DMD: variants seen among roughly 807,000 people sequenced by gnomAD.
The protein encoded by DMD is mutant dystrophin.
In DMD, 63 loss-of-function variants were observed where a neutral mutation model predicts 330.1. That is an observed-to-expected ratio of 0.19 (90% confidence interval 0.16 to 0.24). The LOEUF is 0.24. DMD is among the 10% of genes least tolerant of loss of function. DMD has a pLI of 1.00. For synonymous variants in DMD, 1,223 were observed against 959.8 expected (o/e 1.27, Z -5.07); for missense variants, 3,344 against 2,684.1 (o/e 1.25, Z -5.43).
intron 30 of DMD, among the ~76,000 whole-genome samples, chrX:32,395,597 AC>A (rs200075231): frequency 0.026 from 2,941 of 111,247 alleles, 96 homozygotes; most frequent in African/African-American, 0.088. Context: ...AAACAGAAAA[AC>A]CCATGCTCTG....
intron 51 of DMD, among the ~76,000 whole-genome samples, chrX:31,771,020 GT>G (rs2090309011): frequency 1.8e-5 from 2 of 111,600 alleles, no homozygotes; most frequent in Admixed American, 1.9e-4. Context: ...TGTTAGTAAA[GT>G]TTTTTTCAGT....
chrX:32,456,720 C>T (rs2098360886), intron 25 of DMD, among the ~76,000 whole-genome samples: 1 of 107,023 alleles, frequency 9.3e-6, no homozygotes, highest in Non-Finnish European at 1.9e-5. Flanking sequence ...ATTTGATGTT[C>T]GGCTGTAAGA....
intron 15 of DMD, among the ~76,000 whole-genome samples, chrX:32,566,414 G>A (rs1390172138): frequency 8.9e-6 from 1 of 111,859 alleles, no homozygotes; most frequent in African/African-American, 3.2e-5. Context: ...TTTAACATTC[G>A]GTTCATTATT....
chrX:32,544,749 T>C (rs763928693), intron 17 of DMD, among the ~76,000 whole-genome samples: 12 of 109,324 alleles, frequency 1.1e-4, no homozygotes, highest in African/African-American at 3.7e-4. Context: ...CCATCTATTA[T>C]AGGTGTACTT....
intron 41 of DMD, among the ~76,000 whole-genome samples, chrX:32,335,513 ATGTG>A (rs60901830): frequency 0.52 from 51,458 of 99,684 alleles, 11,026 homozygotes; most frequent in South Asian, 0.77. Flanking sequence ...TATATATAAC[ATGTG>A]TATGTTATAT....
intron 44 of DMD, among the ~76,000 whole-genome samples, chrX:31,970,162 T>C (rs1169779306): frequency 9.0e-6 from 1 of 111,507 alleles, no homozygotes; most frequent in Non-Finnish European, 1.9e-5. Context: ...CATGGAAGGT[T>C]TCAGTAAGCA....
intron 74 of DMD, among the ~76,000 whole-genome samples, chrX:31,160,093 A>G (rs1015623664): frequency 9.8e-5 from 11 of 111,772 alleles, no homozygotes; most frequent in African/African-American, 2.9e-4. Flanking sequence ...TGATGAAGCT[A>G]AAGGTGCTGT....
intron 1 of DMD, among the ~76,000 whole-genome samples, chrX:33,142,825 C>T (rs139835763): frequency 2.7e-5 from 3 of 112,326 alleles, no homozygotes; most frequent in Non-Finnish European, 5.6e-5. Context: ...TACCTTTCCA[C>T]ATCTCTTGTG....
chrX:32,315,181 T>C (rs1976861172), intron 41 of DMD, among the ~76,000 whole-genome samples: 1 of 111,652 alleles, frequency 9.0e-6, no homozygotes, highest in Non-Finnish European at 1.9e-5. Context: ...AATTGACACA[T>C]ATACACCATG....
intron 30 of DMD, among the ~76,000 whole-genome samples, chrX:32,404,606 A>T (rs2098107148): frequency 8.9e-6 from 1 of 111,799 alleles, no homozygotes; most frequent in Non-Finnish European, 1.9e-5. Flanking sequence ...ACACATAAGG[A>T]CATGGTGACT....
At chrX:32,538,862 C>T (rs1055065765) in intron 17 of DMD, among the ~76,000 whole-genome samples, 9 of 110,808 alleles carry the variant, frequency 8.1e-5, no homozygotes, top group African/African-American at 3.0e-4. Context: ...ATAAGTATCA[C>T]CGAGAGTGCT....
intron 27 of DMD, among the ~76,000 whole-genome samples, chrX:32,445,841 AAT>A (rs1267711989): frequency 1.8e-5 from 2 of 111,497 alleles, no homozygotes; most frequent in African/African-American, 3.2e-5. Context: ...AGAAATGGAA[AAT>A]ATGTTTTTTG....
chrX:31,303,349 T>C (rs1298179652), intron 62 of DMD, among the ~76,000 whole-genome samples: 2 of 111,277 alleles, frequency 1.8e-5, no homozygotes. Flanking sequence ...ACAGTGCTTT[T>C]TGGATGTCAC....
intron 52 of DMD, among the ~76,000 whole-genome samples, chrX:31,715,521 C>T (rs1192321765): frequency 3.6e-5 from 3 of 84,152 alleles, no homozygotes; most frequent in African/African-American, 1.4e-4. Context: ...CCAGCCTGGG[C>T]GACAGAGCGA....
At chrX:31,939,650 C>T (rs2094967062) in intron 45 of DMD, among the ~76,000 whole-genome samples, 1 of 110,660 alleles carries the variant, frequency 9.0e-6, no homozygotes. Context: ...CCTAGTGCTT[C>T]ACTAACAGCA....
intron 62 of DMD, among the ~76,000 whole-genome samples, chrX:31,284,592 TCTTCTTCTTCTTC>T (rs1364457368): frequency 4.1e-5 from 4 of 97,715 alleles, no homozygotes; most frequent in Non-Finnish European, 6.2e-5. Flanking sequence ...TTCTTCTTCT[TCTTCTTCTTCTTC>T]TTTTTTTTGG....
Position 32,461,114 on chromosome X carries a change from C to A in DMD, c.3432+2325G>T, listed in dbSNP as rs1270335539. ...ATCAGATATTTGGACAATTTTGTTT[C>A]AAATTATTTATGTTTTCGCAGACAT... On this transcript the variant is annotated intron_variant, in intron 25 of 78. Coordinates refer to ENST00000357033, the MANE Select transcript of DMD (RefSeq NM_004006.3). 2.7e-5 allele frequency among the ~76,000 whole-genome samples: 3 copies of A among 111,431 alleles called. No individual in the cohort carries two copies. The East Asian group carries it at 8.5e-4, about 31-fold the overall frequency.
rs200740564 is a variant in DMD, at chrX:31,289,899, T to TTTATTATTATTA, written c.9225-28895_9225-28884dup. Among the ~76,000 whole-genome samples the TTTATTATTATTA allele has an allele frequency of 1.5e-4, 14 of 93,559 alleles. No homozygotes were observed. The South Asian group carries it at 1.7e-3, about 11-fold the overall frequency. The allele number at this position is 93,559 out of a possible 115,157, so 81.2% of individuals were successfully genotyped here. On this transcript the variant is annotated intron_variant, in intron 62 of 78. Coordinates refer to ENST00000357033, the MANE Select transcript of DMD (RefSeq NM_004006.3). ...TATAGTCACTTAGGTTATTATTCTG[T>TTTATTATTATTA]TTATTATTATTATTATTATTATTAT...
At chrX:32,999,121 T>G (rs1219971696) in intron 2 of DMD, among the ~76,000 whole-genome samples, 1 of 112,383 alleles carries the variant, frequency 8.9e-6, no homozygotes, top group Non-Finnish European at 1.9e-5. Flanking sequence ...ATCAGTCACT[T>G]CAGAGGAAAC....
Sources: allele counts gnomAD v4.1 joint callset (sites outside exome capture counted in the v4.1 genomes callset), GRCh38; gene constraint gnomAD v4.1.1; transcripts MANE v1.5; gene names NCBI Gene and HGNC (gene_info 2026-07-23, HGNC 2026-07-21).